Variants in FNIP2 observed in about 807,000 individuals in gnomAD.
FNIP2 encodes the protein folliculin interacting protein 2.
A neutral mutation model predicts 108.7 loss-of-function variants in FNIP2; 32 were observed. The ratio of observed to expected loss-of-function variants is 0.29; its 90% CI spans 0.22 to 0.40. The LOEUF (loss-of-function observed/expected upper bound fraction) is 0.40. Ranked by LOEUF, FNIP2 falls within the 10% of genes least tolerant of loss-of-function variation. FNIP2 has a pLI of 1.00. For synonymous variants in FNIP2, 480 were observed against 496.7 expected (o/e 0.97, Z 0.45); for missense variants, 1,202 against 1,381.6 (o/e 0.87, Z 2.06).
chr4:158,890,399 A>T (rs1782220716), intron 14 of FNIP2: 1 of 962,284 alleles, frequency 1.0e-6, no homozygotes, highest in African/African-American at 1.8e-5. Context: ...CGAAGTTTTC[A>T]TTCATCTCAC....
Position 158,859,196 on chromosome 4 carries a change from T to C in FNIP2, c.997T>C (p.Phe333Leu). The C allele has an allele frequency of 6.2e-7, 1 of 1,613,280 alleles. No individual in the cohort carries two copies. The highest frequency in any genetic ancestry group is 8.5e-7 in the Non-Finnish European group (1 of 1,179,560). ...AGCACAAAGGAATTTCCAGGACTTCTTCTTTTCTCATTTTCCCCTGTTTGA... is the reference window on the plus strand; with the variant it reads ...AGCACAAAGGAATTTCCAGGACTTCCTCTTTTCTCATTTTCCCCTGTTTGA... ...EEAQRNFQDFFFSHFPLFESH... is the reference protein window; with the variant it reads ...EEAQRNFQDFLFSHFPLFESH... Residue 333 changes from phenylalanine to leucine, a missense_variant, in exon 9 of 17, where the codon TTC becomes CTC. This residue lies in a region of FNIP2 where 878 missense variants were observed against 990.3 expected (regional missense o/e 0.89). Coordinates refer to ENST00000264433, the MANE Select transcript of FNIP2 (RefSeq NM_020840.3).
rs73858589 is a variant in FNIP2, at chr4:158,826,834, C to T, written c.234+792C>T. ...TCTCTTTTCAGTATTTGTTCAGATG[C>T]CTACAAATTAAATAAATCCACTTGT... On this transcript the variant is annotated intron_variant, in intron 2 of 16. Coordinates refer to ENST00000264433, the MANE Select transcript of FNIP2 (RefSeq NM_020840.3). Among the ~76,000 whole-genome samples, 890 of 152,228 alleles carry T rather than the reference C, an allele frequency of 5.8e-3. 7 individuals carry two copies. The highest frequency in any genetic ancestry group is 0.019 in the African/African-American group (802 of 41,528).
Position 158,834,096 on chromosome 4 carries a change from G to A in FNIP2, c.655+468G>A, listed in dbSNP as rs1034853171. The stretch of plus-strand genomic sequence containing the variant: ...TGTAAATGTCTTCGCTAATACTCTA[G>A]TGTAAGCTGATTTTGATCTGAAATG... On this transcript the variant is annotated intron_variant, in intron 6 of 16. Coordinates refer to ENST00000264433, the MANE Select transcript of FNIP2 (RefSeq NM_020840.3). 1.6e-4 allele frequency: 39 copies of A among 237,956 alleles called. 1 individual carries two copies. The highest frequency in any genetic ancestry group is 1.5e-4 in the Non-Finnish European group (18 of 120,900). The allele number at this position is 237,956 out of a possible 1,614,324, so 14.7% of individuals were successfully genotyped here.
chr4:158,875,322 C>G (rs188267094), intron 14 of FNIP2, among the ~76,000 whole-genome samples: 345 of 151,786 alleles, frequency 2.3e-3, no homozygotes, highest in Non-Finnish European at 3.3e-3. Context: ...ATTAACACTA[C>G]GTTTTGATGT....
At chr4:158,837,979 C>T (rs994611716) in intron 7 of FNIP2, among the ~76,000 whole-genome samples, 1 of 152,160 alleles carries the variant, frequency 6.6e-6, no homozygotes, top group African/African-American at 2.4e-5. Context: ...TCACAGAGTC[C>T]ACGTCAAGAC....
chr4:158,833,446 G>A, intron 5 of FNIP2, 82 bp from the exon 6 acceptor site: 1 of 772,278 alleles, frequency 1.3e-6, no homozygotes, highest in Non-Finnish European at 2.2e-6. Context: ...GTCTATATTT[G>A]GAAGTCTATT....
Position 158,904,610 on chromosome 4 carries a change from A to G in FNIP2, c.*66A>G. ...AAATTCTCAACTGAAGGAGAAAGGA[A>G]TAAGCTCTCTGTGATGTCAAAAGCA... On this transcript the variant is annotated 3_prime_UTR_variant, in exon 17 of 17. Coordinates refer to ENST00000264433, the MANE Select transcript of FNIP2 (RefSeq NM_020840.3). The G allele has an allele frequency of 7.4e-7, 1 of 1,345,766 alleles. No homozygotes were observed. Among genetic ancestry groups the G allele is most frequent in the Non-Finnish European group, 1.1e-6 (1 of 946,586 alleles). The allele number at this position is 1,345,766 out of a possible 1,614,324, so 83.4% of individuals were successfully genotyped here. A position where few individuals can be genotyped will look rare whatever the true frequency, so the allele number is the denominator to read the frequency against.
chr4:158,862,595 G>A (rs1225179786), intron 12 of FNIP2, among the ~76,000 whole-genome samples: 2 of 152,196 alleles, frequency 1.3e-5, no homozygotes, highest in African/African-American at 2.4e-5. Flanking sequence ...ACTGGATTAC[G>A]ATAGTTAAGA....
In FNIP2 at chr4:158,868,653, G is replaced by C; in HGVS notation, c.2017G>C (p.Ala673Pro). ...ACTTCCCAGCTGTGAAGTTTTGGGG[G>C]CAGGAATGAAGATGGACCAGCAAGC... ...SRLPSCEVLGAGMKMDQQAVC... is the reference protein window; with the variant it reads ...SRLPSCEVLGPGMKMDQQAVC... Residue 673 changes from alanine to proline, a missense_variant, in exon 13 of 17, where the codon GCA becomes CCA. By Grantham distance (27) the Ala-to-Pro change is conservative. Coordinates refer to ENST00000264433, the MANE Select transcript of FNIP2 (RefSeq NM_020840.3). This position sits in a 1 kb window ranked among gnomAD's most constrained non-coding sequence, Gnocchi z 4.6. 1 of 1,614,008 alleles carries C rather than the reference G, an allele frequency of 6.2e-7. No individual in the cohort carries two copies. Among genetic ancestry groups the C allele is most frequent in the Non-Finnish European group, 8.5e-7 (1 of 1,179,904 alleles).
Position 158,891,604 on chromosome 4 carries a change from G to T in FNIP2, c.3108G>T (p.Gln1036His). The T allele has an allele frequency of 6.2e-7, 1 of 1,612,986 alleles. No individual in the cohort carries two copies. The highest frequency in any genetic ancestry group is 8.5e-7 in the Non-Finnish European group (1 of 1,179,552). ...LVSSQVSSLL[Q>H]SILQLYKLHL... ...CTAGTCAGGTGTCCAGTTTGCTTCA[G>T]TCCATTTTACAGCTCTATAAGCTTC... The change falls in exon 15 of 17, where the codon CAG (glutamine) becomes CAT (histidine). Residue 1036 changes from glutamine (Q) to histidine (H), a missense_variant. Coordinates refer to ENST00000264433, the MANE Select transcript of FNIP2 (RefSeq NM_020840.3).
chr4:158,902,419 C>T (rs11732990), intron 16 of FNIP2, among the ~76,000 whole-genome samples: 44,019 of 152,024 alleles, frequency 0.29, 7,127 homozygotes, highest in Non-Finnish European at 0.38. Flanking sequence ...GAGGTTCTGT[C>T]GGCCCCTACT....
intron 14 of FNIP2, chr4:158,889,725 C>A: frequency 1.5e-6 from 1 of 668,958 alleles, no homozygotes; most frequent in Non-Finnish European, 1.8e-6. Context: ...GCATGACCAG[C>A]ATGTTGTGGA....
intron 1 of FNIP2, among the ~76,000 whole-genome samples, chr4:158,777,721 G>C (rs1775905484): frequency 6.6e-6 from 1 of 152,216 alleles, no homozygotes; most frequent in Non-Finnish European, 1.5e-5. Flanking sequence ...CTCCACGGAA[G>C]ACCATGTGGA....
intron 1 of FNIP2, among the ~76,000 whole-genome samples, chr4:158,779,329 A>C (rs1317224473): frequency 6.6e-6 from 1 of 152,220 alleles, no homozygotes; most frequent in Non-Finnish European, 1.5e-5. Flanking sequence ...GAAGTATCTA[A>C]ATTGTTATGT....
chr4:158,842,216 T>C (rs970424033), intron 7 of FNIP2, among the ~76,000 whole-genome samples: 1 of 152,168 alleles, frequency 6.6e-6, no homozygotes, highest in Non-Finnish European at 1.5e-5. Flanking sequence ...CATTCTTACA[T>C]ACCTGTTAAA....
rs1775941970 is a variant in FNIP2, at chr4:158,778,847, A to G, written c.107+9528A>G. ...ATTTACTTTCAGGCTTTATTGTTAG[A>G]AATGGTGAACTTCCTGGTTGAAAGA... On this transcript the variant is annotated intron_variant, in intron 1 of 16. Coordinates refer to ENST00000264433, the MANE Select transcript of FNIP2 (RefSeq NM_020840.3). 2.0e-5 allele frequency among the ~76,000 whole-genome samples: 3 copies of G among 152,314 alleles called. No homozygotes were observed. In the East Asian group the frequency reaches 5.8e-4, roughly 29 times the overall value.
intron 8 of FNIP2, among the ~76,000 whole-genome samples, chr4:158,857,780 CAAAA>C (rs35070873): frequency 7.3e-6 from 1 of 137,100 alleles, no homozygotes. Flanking sequence ...CCATCTCTAC[CAAAA>C]AAAAAAAAAA....
At chr4:158,839,135 G>A (rs940577146) in intron 7 of FNIP2, among the ~76,000 whole-genome samples, 5 of 152,086 alleles carry the variant, frequency 3.3e-5, no homozygotes, top group South Asian at 2.1e-4. Flanking sequence ...TCCTGTCCAG[G>A]CTGTGTACTT....
chr4:158,861,450 G>A lies in FNIP2; in HGVS notation c.1257G>A (p.Lys419=). The A allele has an allele frequency of 1.2e-6, 2 of 1,614,010 alleles. No homozygotes were observed. Among genetic ancestry groups the A allele is most frequent in the Non-Finnish European group, 1.7e-6 (2 of 1,179,896 alleles). The change falls in exon 11 of 17, where the codon AAG becomes AAA. Residue 419 remains lysine, a synonymous_variant. Transcript: ENST00000264433. ...ACCAGCTCTGCCAGCGCTTTCTCAA[G>A]GAGTTTACACTTCTGATAGAACAGA... The part of the protein sequence containing the change: ...EKNQLCQRFL[K]EFTLLIEQIN...
Sources: gnomAD v4.1 joint callset for allele counts (sites outside exome capture counted in the v4.1 genomes callset) on GRCh38, gnomAD v4.1.1 for gene constraint, gnomAD v4.1.1 regional missense constraint, Gnocchi (gnomAD v3.1) non-coding constraint, MANE v1.5 for transcripts, NCBI Gene and HGNC (gene_info 2026-07-23, HGNC 2026-07-21) for gene names.